The following PDGFRA variants were observed in gnomAD, a reference collection of about 807,000 sequenced individuals.
PDGFRA encodes platelet derived growth factor receptor alpha.
Under a neutral mutation model 121.5 loss-of-function variants are expected in PDGFRA, and 25 were observed. The ratio of observed to expected loss-of-function variants is 0.21; its 90% CI spans 0.15 to 0.29. PDGFRA has a LOEUF of 0.29. PDGFRA is among the 10% of genes least tolerant of loss of function. The probability of loss-of-function intolerance (pLI) is 1.00; values close to 1 mark genes in which losing one functional copy is unlikely to be tolerated. For missense variants in PDGFRA, 1,008 were observed against 1,345.1 expected (o/e 0.75, Z 3.92); for synonymous variants, 463 against 494.8 (o/e 0.94, Z 0.85).
chr4:54,273,565 T>C lies in PDGFRA; in HGVS notation c.1393T>C (p.Leu465=), dbSNP rs573232299. 9 of 1,614,112 alleles carry C rather than the reference T, an allele frequency of 5.6e-6. No homozygotes were observed. In the African/African-American group the frequency reaches 1.1e-4, roughly 19 times the overall value. The change falls in exon 10 of 23, where the codon TTG becomes CTG. Residue 465 remains leucine, a synonymous_variant. Coordinates refer to ENST00000257290, the MANE Select transcript of PDGFRA (RefSeq NM_006206.6). ...KCNNETSWTI[L]ANNVSNIITE... ...TAATAATGAAACTTCCTGGACTATT[T>C]TGGCCAACAATGTCTCAAACATCAT...
chr4:54,276,371 G>A (rs1373927121), intron 12 of PDGFRA, among the ~76,000 whole-genome samples: 1 of 152,176 alleles, frequency 6.6e-6, no homozygotes, highest in Non-Finnish European at 1.5e-5. Flanking sequence ...CTCCCGTACA[G>A]CTGGCTCTGT....
At position 54,279,640 on chromosome 4, in the gene PDGFRA, TG is replaced by T. The variant is rs200816417; in HGVS notation, c.2157-674del. Among the ~76,000 whole-genome samples, 976 of 152,254 alleles carry T rather than the reference TG, an allele frequency of 6.4e-3. 10 individuals are homozygous for T. Among genetic ancestry groups the T allele is most frequent in the African/African-American group, 0.022 (927 of 41,544 alleles). ...TCTTCAGTGGTGATTTGTGAGATTT[TG>T]GTGCACCCATCACTGGAGCAGTATA... On this transcript the variant is annotated intron_variant, in intron 15 of 22. Coordinates refer to ENST00000257290, the MANE Select transcript of PDGFRA (RefSeq NM_006206.6).
chr4:54,292,009 C>A (rs1455946219), intron 22 of PDGFRA, among the ~76,000 whole-genome samples: 1 of 152,082 alleles, frequency 6.6e-6, no homozygotes, highest in Non-Finnish European at 1.5e-5. Context: ...ATTTAAAAGT[C>A]AAAAAGCAAC....
At position 54,270,714 on chromosome 4, in the gene PDGFRA, T is replaced by C. The variant is rs141808456; in HGVS notation, c.1203T>C (p.Ala401=). The change falls in exon 8 of 23, where the codon GCT becomes GCC. Residue 401 remains alanine, a synonymous_variant. Coordinates refer to ENST00000257290, the MANE Select transcript of PDGFRA (RefSeq NM_006206.6). ...CTATTGTAGCTCAAAATGAAGATGC[T>C]GTGAAGAGCTATACTTTTGAACTGT... The part of the protein sequence containing the change: ...HYTIVAQNED[A]VKSYTFELLT... 15 of 1,603,880 alleles carry C rather than the reference T, an allele frequency of 9.4e-6. No individual in the cohort carries two copies. In the African/African-American group the frequency reaches 1.9e-4, roughly 20 times the overall value.
intron 6 of PDGFRA, 36 bp from the exon 7 acceptor site, chr4:54,267,516 G>T: frequency 6.2e-7 from 1 of 1,613,638 alleles, no homozygotes; most frequent in East Asian, 2.2e-5. Context: ...TCCATATGTG[G>T]TAATCATTAT....
chr4:54,260,472 T>C (rs1056945203), intron 2 of PDGFRA, among the ~76,000 whole-genome samples: 7 of 144,420 alleles, frequency 4.8e-5, no homozygotes, highest in Middle Eastern at 3.9e-3. Context: ...GTGCAGAGGC[T>C]GACTGCAACC....
intron 21 of PDGFRA, among the ~76,000 whole-genome samples, chr4:54,290,030 G>A (rs577255590): frequency 4.6e-5 from 7 of 152,338 alleles, no homozygotes; most frequent in African/African-American, 1.4e-4. Flanking sequence ...GAAAGGCAAC[G>A]TGATGGGGAC....
intron 18 of PDGFRA, 142 bp from the exon 19 acceptor site, chr4:54,287,288 A>G: frequency 1.4e-6 from 1 of 738,138 alleles, no homozygotes; most frequent in Non-Finnish European, 2.5e-6. Flanking sequence ...GTAATGAACA[A>G]AACACATGTA....
intron 1 of PDGFRA, among the ~76,000 whole-genome samples, chr4:54,256,393 G>A (rs917664845): frequency 2.0e-5 from 3 of 151,750 alleles, no homozygotes; most frequent in African/African-American, 4.8e-5. Context: ...ACACCACCAC[G>A]CCTGGCTAAT....
intron 1 of PDGFRA, among the ~76,000 whole-genome samples, chr4:54,232,456 C>T (rs1318828799): frequency 6.6e-6 from 1 of 152,234 alleles, no homozygotes; most frequent in African/African-American, 2.4e-5. Flanking sequence ...ACTTGGGGCG[C>T]CTCCTTCCCT....
chr4:54,292,357 T>C (rs1324671700), intron 22 of PDGFRA, among the ~76,000 whole-genome samples: 2 of 152,242 alleles, frequency 1.3e-5, no homozygotes, highest in African/African-American at 2.4e-5. Context: ...AATGAGATCA[T>C]GTCCTTTGCA....
chr4:54,268,032 C>G (rs894309329), intron 7 of PDGFRA, among the ~76,000 whole-genome samples: 4 of 152,208 alleles, frequency 2.6e-5, no homozygotes, highest in Admixed American at 6.5e-5. Flanking sequence ...AAATTGGACT[C>G]ACCAGGATTG....
chr4:54,278,241 A>C lies in PDGFRA; in HGVS notation c.2003-121A>C, dbSNP rs1355591154. On this transcript the variant is annotated intron_variant, in intron 14 of 22. Transcript: ENST00000257290. ...TCTTTATTAAAAAAAAAAAAAAAAA[A>C]AAAAAAAAAAAACTTTTTTGGTATC... is the stretch of plus-strand genomic sequence containing the variant. The C allele has an allele frequency of 5.1e-5, 35 of 687,032 alleles. 1 individual carries two copies. Among genetic ancestry groups the C allele is most frequent in the Non-Finnish European group, 8.0e-5 (32 of 401,444 alleles). The allele number at this position is 687,032 out of a possible 1,614,324, so 42.6% of individuals were successfully genotyped here. A position where few individuals can be genotyped will look rare whatever the true frequency, so the allele number is the denominator to read the frequency against.
At chr4:54,230,904 G>A (rs1440471249) in intron 1 of PDGFRA, among the ~76,000 whole-genome samples, 1 of 152,234 alleles carries the variant, frequency 6.6e-6, no homozygotes, top group Non-Finnish European at 1.5e-5. Flanking sequence ...ATTTGGCATT[G>A]AATATGTGGG....
At chr4:54,271,157 C>T (rs866076440) in intron 8 of PDGFRA, among the ~76,000 whole-genome samples, 2 of 152,094 alleles carry the variant, frequency 1.3e-5, no homozygotes, top group Admixed American at 6.5e-5. Flanking sequence ...AAGCAGATGA[C>T]CTTAGATTGT....
chr4:54,260,787 TC>T (rs537410549), intron 2 of PDGFRA, among the ~76,000 whole-genome samples: 58 of 152,080 alleles, frequency 3.8e-4, no homozygotes, highest in Non-Finnish European at 1.3e-4. Context: ...GCCCGTGCCA[TC>T]TTGGGATATT....
At position 54,277,383 on chromosome 4, in the gene PDGFRA, C is replaced by G. The variant is rs1205259367; in HGVS notation, c.1787-5C>G. ...TTGGGTGTTAATGATTCTGCCTGCC[C>G]ACAGGTCGGGTCTTGGGGTCTGGAG... On this transcript the variant is annotated splice_region_variant and splice_polypyrimidine_tract_variant and intron_variant, in intron 12 of 22. Transcript: ENST00000257290. 1 of 1,610,314 alleles carries G rather than the reference C, an allele frequency of 6.2e-7. No homozygotes were observed. Among genetic ancestry groups the G allele is most frequent in the Non-Finnish European group, 8.5e-7 (1 of 1,176,732 alleles).
intron 5 of PDGFRA, among the ~76,000 whole-genome samples, 192 bp from the exon 6 acceptor site, chr4:54,267,097 G>A (rs1056882082): frequency 2.0e-5 from 3 of 152,146 alleles, no homozygotes; most frequent in Non-Finnish European, 4.4e-5. Context: ...GAGAGGTACA[G>A]AGATTTCCCA....
At chr4:54,237,323 G>A (rs1309196910) in intron 1 of PDGFRA, among the ~76,000 whole-genome samples, 1 of 152,188 alleles carries the variant, frequency 6.6e-6, no homozygotes, top group Non-Finnish European at 1.5e-5. Context: ...AGGGTCCACT[G>A]TATCTGGAGG....
Sources: gnomAD v4.1 joint callset for allele counts (sites outside exome capture counted in the v4.1 genomes callset) on GRCh38, gnomAD v4.1.1 for gene constraint, MANE v1.5 for transcripts, NCBI Gene and HGNC (gene_info 2026-07-23, HGNC 2026-07-21) for gene names.